The following DGKB variants were observed in gnomAD, a reference collection of about 807,000 sequenced individuals.
The protein encoded by DGKB is 90 kDa diacylglycerol kinase.
Under a neutral mutation model 114.3 loss-of-function variants are expected in DGKB, and 67 were observed. That is an observed-to-expected ratio of 0.59 (90% CI 0.48 to 0.72). The LOEUF (loss-of-function observed/expected upper bound fraction) is 0.72. DGKB is among the 30% of genes least tolerant of loss of function. The probability of loss-of-function intolerance (pLI) is 0.00; values close to 1 mark genes in which losing one functional copy is unlikely to be tolerated. For synonymous variants in DGKB, 398 were observed against 323.1 expected, an observed-to-expected ratio of 1.23 and a Z score of -2.49; for missense variants, 907 against 975.2, an observed-to-expected ratio of 0.93 and a Z score of 0.93.
At position 14,149,248 on chromosome 7, in the gene DGKB, AAGAG is replaced by A. The variant is rs145349934; in HGVS notation, c.2305-14_2305-11del. On this transcript the variant is annotated splice_polypyrimidine_tract_variant and intron_variant, in intron 25 of 25. Coordinates refer to ENST00000402815, the MANE Select transcript of DGKB (RefSeq NM_001350709.2). ...TGTGTGTAATTTTTATCTAGAAAAA[AAGAG>A]AGAGAGAGAGAGAGAAAGAATAGAG... 269 of 1,533,314 alleles carry A rather than the reference AAGAG, an allele frequency of 1.8e-4. No homozygotes were observed. Among genetic ancestry groups the A allele is most frequent in the Admixed American group, 7.7e-4 (44 of 57,502 alleles). 95.0% of individuals were successfully genotyped at this position (1,533,314 alleles called of 1,614,324 possible). A position where few individuals can be genotyped will look rare whatever the true frequency, so the allele number is the denominator to read the frequency against.
intron 23 of DGKB, among the ~76,000 whole-genome samples, chr7:14,287,875 T>C (rs1481603425): frequency 2.0e-5 from 3 of 152,172 alleles, no homozygotes; most frequent in Non-Finnish European, 4.4e-5. Flanking sequence ...ACAGAAGTCA[T>C]TGTGAAGTTT....
rs1026033479 is a variant in DGKB, at chr7:14,955,658, A to G, written c.-188+19038T>C. ...AAGAAGGAAGTAGCTGAAAGAATAG[A>G]AAGAAATGCTTGAAAACTTGAACAC... On this transcript the variant is annotated intron_variant, in intron 1 of 4. Coordinates refer to the DGKB transcript ENST00000437998. Among the ~76,000 whole-genome samples the G allele has an allele frequency of 7.9e-5, 12 of 152,094 alleles. No homozygotes were observed. The South Asian group carries it at 2.5e-3, about 31-fold the overall frequency.
At chr7:14,791,056 C>T (rs1170915897) in intron 2 of DGKB, among the ~76,000 whole-genome samples, 1 of 152,064 alleles carries the variant, frequency 6.6e-6, no homozygotes, top group Admixed American at 6.6e-5. Context: ...GTCTTGAACT[C>T]CTATGCTAAA....
rs114551070 is a variant in DGKB at position 14,596,856 on chromosome 7, C to A, written c.1433+10578G>T. 2.2e-3 allele frequency among the ~76,000 whole-genome samples: 332 copies of A among 152,276 alleles called. 2 individuals carry two copies. Among genetic ancestry groups the A allele is most frequent in the African/African-American group, 7.7e-3 (322 of 41,562 alleles). On this transcript the variant is annotated intron_variant, in intron 17 of 25. Coordinates refer to ENST00000402815, the MANE Select transcript of DGKB (RefSeq NM_001350709.2). Reference sequence around the variant, plus strand: ...ATGCATTACTACTGAGCTGGCTTAACTAACATTGTTCATAAAAATTCTTGT... The same window carrying A: ...ATGCATTACTACTGAGCTGGCTTAAATAACATTGTTCATAAAAATTCTTGT...
chr7:14,753,977 T>C lies in DGKB; in HGVS notation c.148-29A>G, dbSNP rs765330796. The C allele has an allele frequency of 1.0e-5, 15 of 1,448,680 alleles. No individual in the cohort carries two copies. The East Asian group carries it at 2.4e-4, about 23-fold the overall frequency. 89.7% of individuals were successfully genotyped at this position (1,448,680 alleles called of 1,614,324 possible). A position where few individuals can be genotyped will look rare whatever the true frequency, so the allele number is the denominator to read the frequency against. ...TGCATGCAAGGAAAGAAAGAATACA[T>C]GTGTTAATGTAAGATACTTTATACT... On this transcript the variant is annotated intron_variant, in intron 3 of 25. Coordinates refer to ENST00000402815, the MANE Select transcript of DGKB (RefSeq NM_001350709.2).
chr7:14,865,833 G>A (rs1258516511), intron 1 of DGKB, among the ~76,000 whole-genome samples: 2 of 152,168 alleles, frequency 1.3e-5, no homozygotes, highest in East Asian at 3.9e-4. Context: ...AATGAGAGAG[G>A]TAAGGTTGAG....
At chr7:14,655,264 T>C (rs1815524407) in intron 13 of DGKB, among the ~76,000 whole-genome samples, 1 of 151,370 alleles carries the variant, frequency 6.6e-6, no homozygotes, top group African/African-American at 2.4e-5. Context: ...GAAATACAAA[T>C]GGCCAAAAAG....
chr7:14,623,985 A>G (rs2128822327), intron 14 of DGKB, among the ~76,000 whole-genome samples: 2 of 152,276 alleles, frequency 1.3e-5, no homozygotes, highest in Middle Eastern at 6.8e-3. Context: ...TATAAAATGT[A>G]TAGTCTGTAA....
Position 14,556,346 on chromosome 7 carries a change from A to G in DGKB, c.1770+17866T>C, listed in dbSNP as rs533978797. ...AAAATATATATTTAGTATTTATTACATTGCTTTACTAGTTTCATTTCTAGT... is the reference window on the plus strand; with the variant it reads ...AAAATATATATTTAGTATTTATTACGTTGCTTTACTAGTTTCATTTCTAGT... On this transcript the variant is annotated intron_variant, in intron 20 of 25. Transcript: ENST00000402815. 4.8e-3 allele frequency among the ~76,000 whole-genome samples: 736 copies of G among 152,246 alleles called. 4 individuals are homozygous for G. Among genetic ancestry groups the G allele is most frequent in the African/African-American group, 0.017 (697 of 41,562 alleles).
chr7:14,626,709 T>C (rs1808659382), intron 14 of DGKB, among the ~76,000 whole-genome samples: 1 of 152,232 alleles, frequency 6.6e-6, no homozygotes, highest in Non-Finnish European at 1.5e-5. Context: ...AATCTATTAG[T>C]AATCTTTGGA....
Position 14,910,262 on chromosome 7 carries a change from GAAAGAAAGAAAGAA to G in DGKB, c.-188+64420_-188+64433del, listed in dbSNP as rs1783922865. Among the ~76,000 whole-genome samples, 336 of 116,814 alleles carry G rather than the reference GAAAGAAAGAAAGAA, an allele frequency of 2.9e-3. 5 individuals are homozygous for G. The highest frequency in any genetic ancestry group is 4.9e-3 in the African/African-American group (135 of 27,354). 76.6% of individuals were successfully genotyped at this position (116,814 alleles called of 152,430 possible). A position where few individuals can be genotyped will look rare whatever the true frequency, so the allele number is the denominator to read the frequency against. On this transcript the variant is annotated intron_variant, in intron 1 of 4. Coordinates refer to the DGKB transcript ENST00000437998. ...TCAAAAAAAGAAAGAAAGAAAGAAA[GAAAGAAAGAAAGAA>G]AGAAAGAAAGAAAGAAAGAAAGAAA...
At chr7:14,781,622 G>C in intron 2 of DGKB, among the ~76,000 whole-genome samples, 1 of 152,080 alleles carries the variant, frequency 6.6e-6, no homozygotes, top group East Asian at 1.9e-4. Context: ...AGTTGTAATA[G>C]AAATTACTCA....
upstream of DGKB, among the ~76,000 whole-genome samples, chr7:14,907,378 C>T (rs1386862167): frequency 6.6e-6 from 1 of 152,160 alleles, no homozygotes; most frequent in Non-Finnish European, 1.5e-5. Flanking sequence ...ATTACTGGCT[C>T]CATGATTTTG....
intron 21 of DGKB, among the ~76,000 whole-genome samples, chr7:14,410,783 TATCAA>T (rs1272229900): frequency 9.8e-6 from 1 of 102,448 alleles, no homozygotes; most frequent in African/African-American, 3.3e-5. Context: ...TTAAAAATTG[TATCAA>T]ATCAAAATGA....
chr7:14,747,775 G>GCGCGCGCGCGCGCGCACACACA, intron 4 of DGKB, among the ~76,000 whole-genome samples: 2,146 of 149,222 alleles, frequency 0.014, 20 homozygotes, highest in African/African-American at 0.031. Context: ...ACATCCACGC[G>GCGCGCGCGCGCGCGCACACACA]CACGCACACA....
At chr7:14,158,573 G>C (rs1028084162) in intron 25 of DGKB, among the ~76,000 whole-genome samples, 1 of 152,144 alleles carries the variant, frequency 6.6e-6, no homozygotes, top group Non-Finnish European at 1.5e-5. Context: ...TGATCTGAAA[G>C]ACTTTCTCCT....
intron 17 of DGKB, among the ~76,000 whole-genome samples, chr7:14,590,289 A>G (rs1801494256): frequency 6.6e-6 from 1 of 152,156 alleles, no homozygotes; most frequent in Non-Finnish European, 1.5e-5. Flanking sequence ...TTCTGTAGCA[A>G]TTTGATTCTC....
intron 8 of DGKB, among the ~76,000 whole-genome samples, chr7:14,697,453 C>T (rs1824155897): frequency 6.6e-6 from 1 of 152,234 alleles, no homozygotes; most frequent in South Asian, 2.1e-4. Flanking sequence ...TCAGGACCTT[C>T]TGCTTATCCA....
rs1050246214 is a variant in DGKB, at chr7:14,950,018, G to A, written c.-188+24678C>T. ...CCTAATGTAAATGATGAGTTAATGC[G>A]TGCAGCACACCAACATGGCACACGT... On this transcript the variant is annotated intron_variant, in intron 1 of 4. Transcript: ENST00000437998. 4.1e-4 allele frequency among the ~76,000 whole-genome samples: 62 copies of A among 151,706 alleles called. 2 individuals are homozygous for A. The highest frequency in any genetic ancestry group is 1.2e-3 in the Admixed American group (18 of 15,172).
Sources: allele counts gnomAD v4.1 joint callset (sites outside exome capture counted in the v4.1 genomes callset), GRCh38; gene constraint gnomAD v4.1.1; transcripts MANE v1.5; gene names NCBI Gene and HGNC (gene_info 2026-07-23, HGNC 2026-07-21).